Variants in ZNF143 observed in about 807,000 individuals in gnomAD.
ZNF143 encodes SPH-binding factor.
A neutral mutation model predicts 74.1 loss-of-function variants in ZNF143; 49 were observed. That is an observed-to-expected ratio of 0.66 (90% CI 0.53 to 0.84). The LOEUF is 0.84. Ranked by LOEUF, ZNF143 falls within the 40% of genes least tolerant of loss-of-function variation. The probability of loss-of-function intolerance (pLI) is 0.00; values close to 1 mark genes in which losing one functional copy is unlikely to be tolerated. For synonymous variants in ZNF143, 304 were observed against 282.8 expected (o/e 1.07, Z -0.75); for missense variants, 637 against 793.4 (o/e 0.80, Z 2.37).
At chr11:9,477,219 C>T (rs1179191787) in intron 5 of ZNF143, among the ~76,000 whole-genome samples, 1 of 136,474 alleles carries the variant, frequency 7.3e-6, no homozygotes, top group Non-Finnish European at 1.6e-5. Flanking sequence ...TCCCTTCCTT[C>T]CCTTCCTTCC....
At chr11:9,479,286 T>C (rs984300546) in intron 6 of ZNF143, among the ~76,000 whole-genome samples, 186 bp from the exon 7 acceptor site, 8 of 152,256 alleles carry the variant, frequency 5.3e-5, no homozygotes, top group African/African-American at 1.9e-4. Flanking sequence ...ATTACTGGCA[T>C]GAGCCACCAT....
At chr11:9,499,537 C>T (rs557708699) in intron 10 of ZNF143, among the ~76,000 whole-genome samples, 4 of 152,248 alleles carry the variant, frequency 2.6e-5, no homozygotes, top group Non-Finnish European at 5.9e-5. Flanking sequence ...TTTCATTTGA[C>T]CAAAAGAAAA....
At chr11:9,525,103 A>G (rs534169961) in intron 14 of ZNF143, 137 bp from the exon 15 acceptor site, 18 of 1,016,996 alleles carry the variant, frequency 1.8e-5, no homozygotes, top group African/African-American at 1.3e-4. Flanking sequence ...TCCTTTCAAT[A>G]TAGGCTTTGA....
chr11:9,503,789 C>A (rs547258935), intron 11 of ZNF143, among the ~76,000 whole-genome samples: 1 of 151,790 alleles, frequency 6.6e-6, no homozygotes, highest in South Asian at 2.1e-4. Context: ...GTAGCTGGGA[C>A]TACAGGTGTG....
chr11:9,471,988 G>GGT (rs1565023649), intron 2 of ZNF143, among the ~76,000 whole-genome samples: 1 of 151,066 alleles, frequency 6.6e-6, no homozygotes, highest in African/African-American at 2.4e-5. Context: ...GGAGTGCAGT[G>GGT]GTATGATCAC....
At chr11:9,484,815 T>TTTTTTTTTTTTTTTTTA (rs59421396) in intron 7 of ZNF143, among the ~76,000 whole-genome samples, 4 of 136,458 alleles carry the variant, frequency 2.9e-5, no homozygotes, top group Admixed American at 1.5e-4. Flanking sequence ...TTTTTTTTTT[T>TTTTTTTTTTTTTTTTTA]GAGACGGAGT....
intron 5 of ZNF143, among the ~76,000 whole-genome samples, chr11:9,476,855 G>A (rs1312839827): frequency 2.4e-5 from 3 of 126,064 alleles, no homozygotes; most frequent in Non-Finnish European, 4.8e-5. Context: ...CGCCTCCTGG[G>A]TTCACACCAT....
intron 7 of ZNF143, among the ~76,000 whole-genome samples, chr11:9,490,440 T>G (rs1222706831): frequency 6.6e-6 from 1 of 151,640 alleles, no homozygotes; most frequent in Non-Finnish European, 1.5e-5. Context: ...CGTACCACCA[T>G]GCCCAGCTAA....
intron 1 of ZNF143, 148 bp from the exon 2 acceptor site, chr11:9,471,154 A>T (rs1045774997): frequency 1.7e-6 from 1 of 578,628 alleles, no homozygotes; most frequent in African/African-American, 1.9e-5. Flanking sequence ...TTGGGCTAAT[A>T]CTCTTACCCT....
chr11:9,522,513 A>G lies in ZNF143; in HGVS notation c.1687-2727A>G, dbSNP rs185156814. 3.0e-3 allele frequency among the ~76,000 whole-genome samples: 462 copies of G among 152,004 alleles called. 2 individuals are homozygous for G. The highest frequency in any genetic ancestry group is 4.7e-3 in the Non-Finnish European group (321 of 67,974). On this transcript the variant is annotated intron_variant, in intron 14 of 15. Transcript: ENST00000396602. ...GGCTTTTTTGTTTTTTGTTTTTTTG[A>G]GACAGTTTTCGCTTTTGTTGCCCAG...
chr11:9,487,811 T>G (rs1375313637), intron 7 of ZNF143, among the ~76,000 whole-genome samples: 2 of 152,238 alleles, frequency 1.3e-5, no homozygotes, highest in Non-Finnish European at 2.9e-5. Flanking sequence ...ATCAGATTGC[T>G]GTTTCTTTGA....
intron 9 of ZNF143, among the ~76,000 whole-genome samples, chr11:9,496,694 T>G (rs1302180956): frequency 6.6e-6 from 1 of 151,906 alleles, no homozygotes; most frequent in East Asian, 1.9e-4. Flanking sequence ...CCTCCCAGGT[T>G]CAAGCAATTC....
intron 1 of ZNF143, among the ~76,000 whole-genome samples, chr11:9,466,622 G>A (rs552961647): frequency 6.0e-5 from 9 of 151,108 alleles, no homozygotes; most frequent in Non-Finnish European, 1.0e-4. Context: ...TTTATTTTCC[G>A]TAGAGACAGG....
chr11:9,487,558 C>T (rs1205296523), intron 7 of ZNF143, among the ~76,000 whole-genome samples: 3 of 151,544 alleles, frequency 2.0e-5, no homozygotes, highest in Non-Finnish European at 4.4e-5. Context: ...GGGGTTTCAC[C>T]GTGTTAGCCA....
chr11:9,482,402 C>T (rs1847279958), intron 7 of ZNF143, among the ~76,000 whole-genome samples: 1 of 150,748 alleles, frequency 6.6e-6, no homozygotes, highest in South Asian at 2.1e-4. Context: ...TCTGGAGTAG[C>T]TGGGACTACA....
chr11:9,521,845 C>T (rs1032005409), intron 14 of ZNF143, among the ~76,000 whole-genome samples: 5 of 152,094 alleles, frequency 3.3e-5, no homozygotes, highest in African/African-American at 1.2e-4. Context: ...GCAGGTGGAT[C>T]ACCTGAGGTC....
rs1855964550 is a variant in ZNF143, at chr11:9,463,002, C to CAACAA, written c.-8+1926_-8+1927insAACAA. The stretch of plus-strand genomic sequence containing the variant: ...TACTCCCCATTTCCTCTCAGTTGTC[C>CAACAA]CCTCCACCCCACTACTAGTTTGCAT... On this transcript the variant is annotated intron_variant, in intron 1 of 15. Coordinates refer to ENST00000396602, the MANE Select transcript of ZNF143 (RefSeq NM_003442.6). 2.6e-5 allele frequency among the ~76,000 whole-genome samples: 4 copies of CAACAA among 152,296 alleles called. No individual in the cohort carries two copies. In the South Asian group the frequency reaches 8.3e-4, roughly 32 times the overall value.
Position 9,486,412 on chromosome 11 carries a change from A to AATATATT in ZNF143, c.645+6872_645+6873insTATATAT, listed in dbSNP as rs1554964446. 6.2e-4 allele frequency among the ~76,000 whole-genome samples: 12 copies of AATATATT among 19,316 alleles called. 1 individual carries two copies. Among genetic ancestry groups the AATATATT allele is most frequent in the Middle Eastern group, 0.062 (2 of 32 alleles). 12.7% of individuals were successfully genotyped at this position (19,316 alleles called of 152,430 possible). On this transcript the variant is annotated intron_variant, in intron 7 of 15. Coordinates refer to ENST00000396602, the MANE Select transcript of ZNF143 (RefSeq NM_003442.6). ...AATATATATAATATATTATATATAT[A>AATATATT]ATATATATTATATATATTATATATA...
intron 7 of ZNF143, among the ~76,000 whole-genome samples, chr11:9,481,398 A>G (rs1426600574): frequency 6.6e-6 from 1 of 152,020 alleles, no homozygotes; most frequent in Non-Finnish European, 1.5e-5. Context: ...CCACCTCCCA[A>G]AAAATGAGAC....
Sources: allele counts gnomAD v4.1 joint callset (sites outside exome capture counted in the v4.1 genomes callset), GRCh38; gene constraint gnomAD v4.1.1; transcripts MANE v1.5; gene names NCBI Gene and HGNC (gene_info 2026-07-23, HGNC 2026-07-21).